The following ZNF282 variants were observed in gnomAD, a reference collection of about 807,000 sequenced individuals.
ZNF282 encodes HTLV-I U5 repressive element-binding protein 1.
A neutral mutation model predicts 61.9 loss-of-function variants in ZNF282; 30 were observed. The observed-to-expected ratio is 0.48, with a 90% CI of 0.36 to 0.66. ZNF282 has a LOEUF of 0.66. Ranked by LOEUF, ZNF282 falls within the 30% of genes least tolerant of loss-of-function variation. ZNF282 has a pLI of 0.00. For missense variants in ZNF282, 788 were observed against 941.4 expected (o/e 0.84, Z 2.13); for synonymous variants, 396 against 405.0 (o/e 0.98, Z 0.27).
rs1796318085 is a variant in ZNF282, at chr7:149,224,171, C to T, written c.1540C>T (p.Arg514Cys). 1.3e-6 allele frequency: 2 copies of T among 1,592,192 alleles called. No individual in the cohort carries two copies. Among genetic ancestry groups the T allele is most frequent in the Admixed American group, 1.7e-5 (1 of 59,428 alleles). ...GCGGAGCCTCCTCCTGCACGGCGCC[C>T]GCAGCAAGCCCTACTCGTGCCCCGA... ...LRRSLLLHGA[R>C]SKPYSCPECG... The change falls in exon 8 of 8, where the codon CGC becomes TGC. Residue 514 changes from arginine (R) to cysteine (C), a missense_variant. Arg to Cys is a radical substitution (Grantham distance 180). Around this residue, in one of 3 missense-constraint regions of ZNF282, gnomAD observed 559 missense variants for 642.0 expected, o/e 0.87. Coordinates refer to ENST00000610704, the MANE Select transcript of ZNF282 (RefSeq NM_003575.4).
chr7:149,223,783 C>A, intron 7 of ZNF282, 29 bp from the exon 8 acceptor site: 3 of 1,474,440 alleles, frequency 2.0e-6, no homozygotes, highest in Non-Finnish European at 2.7e-6. Context: ...GAACCCCTGT[C>A]AGCATGTCAC....
At chr7:149,200,237 T>G (rs566915448) in intron 2 of ZNF282, among the ~76,000 whole-genome samples, 1 of 152,308 alleles carries the variant, frequency 6.6e-6, no homozygotes, top group African/African-American at 2.4e-5. Context: ...TCCAGTTGAT[T>G]GGTAACTGGA....
At position 149,224,514 on chromosome 7, in the gene ZNF282, G is replaced by A; in HGVS notation, c.1883G>A (p.Arg628His). Residue 628 changes from arginine (R) to histidine (H), a missense_variant, in exon 8 of 8, where the codon CGC becomes CAC. Arg to His is a conservative substitution (Grantham distance 29). Around this residue, in one of 3 missense-constraint regions of ZNF282, gnomAD observed 559 missense variants for 642.0 expected, o/e 0.87. Transcript: ENST00000610704. The part of the protein sequence containing the change: ...LKHQRIHTGE[R>H]PYTCGECGKS... Reference sequence around the variant, plus strand: ...CACCAGCGCATCCACACGGGCGAGCGCCCCTACACGTGCGGCGAGTGCGGC... The same window carrying A: ...CACCAGCGCATCCACACGGGCGAGCACCCCTACACGTGCGGCGAGTGCGGC... The A allele has an allele frequency of 6.2e-7, 1 of 1,611,988 alleles. No individual in the cohort carries two copies. The highest frequency in any genetic ancestry group is 1.1e-5 in the South Asian group (1 of 91,034).
chr7:149,223,966 A>C lies in ZNF282; in HGVS notation c.1335A>C (p.Arg445=), dbSNP rs1479570951. Residue 445 remains arginine (R), a synonymous_variant, in exon 8 of 8, where the codon CGA becomes CGC. Coordinates refer to ENST00000610704, the MANE Select transcript of ZNF282 (RefSeq NM_003575.4). ...AGAACCCGGGCGGCCCCCCGAGCCG[A>C]GGGCTGCTGGACGACGGTTTCCAGG... ...VAENPGGPPS[R]GLLDDGFQVL... is the part of the protein sequence containing the mutation. 7.7e-7 allele frequency: 1 copy of C among 1,291,960 alleles called. No individual in the cohort carries two copies. The highest frequency in any genetic ancestry group is 9.8e-7 in the Non-Finnish European group (1 of 1,021,676). The allele number at this position is 1,291,960 out of a possible 1,614,324, so 80.0% of individuals were successfully genotyped here.
At chr7:149,199,136 C>T (rs1005744652) in intron 2 of ZNF282, among the ~76,000 whole-genome samples, 64 of 152,294 alleles carry the variant, frequency 4.2e-4, no homozygotes, top group African/African-American at 1.5e-3. Flanking sequence ...TGGAGTCGCA[C>T]CTCAAACCAG....
intron 6 of ZNF282, 100 bp downstream of exon 6, chr7:149,212,571 T>G (rs1796104863): frequency 1.0e-6 from 1 of 981,398 alleles, no homozygotes; most frequent in African/African-American, 1.7e-5. Flanking sequence ...GATACTAAAA[T>G]TACTTCAGCA....
intron 2 of ZNF282, among the ~76,000 whole-genome samples, chr7:149,199,711 A>G (rs1282025220): frequency 3.9e-5 from 6 of 152,192 alleles, no homozygotes; most frequent in Non-Finnish European, 7.3e-5. Flanking sequence ...TAGACAGAAT[A>G]GTATAATGGG....
chr7:149,197,490 C>T (rs187237799), intron 1 of ZNF282, among the ~76,000 whole-genome samples: 77 of 152,194 alleles, frequency 5.1e-4, no homozygotes, highest in African/African-American at 1.7e-3. Flanking sequence ...TTGTTTGTTC[C>T]GAGACGGAGT....
intron 2 of ZNF282, among the ~76,000 whole-genome samples, chr7:149,204,380 G>GA (rs922594631): frequency 1.3e-5 from 2 of 152,228 alleles, no homozygotes; most frequent in East Asian, 1.9e-4. Context: ...TGGTGAAGAG[G>GA]AAAAAACAGA....
At chr7:149,220,923 T>TTTTTG (rs56311125) in intron 7 of ZNF282, among the ~76,000 whole-genome samples, 10,629 of 66,808 alleles carry the variant, frequency 0.16, 466 homozygotes, top group East Asian at 0.36. Flanking sequence ...GAGGGTTTTT[T>TTTTTG]TTTTTTTTTT....
chr7:149,213,105 G>A (rs899427687), intron 6 of ZNF282, among the ~76,000 whole-genome samples: 1 of 152,206 alleles, frequency 6.6e-6, no homozygotes, highest in Non-Finnish European at 1.5e-5. Flanking sequence ...CCATGTGATT[G>A]CAGAGCTGAG....
rs762615391 is a variant in ZNF282 at position 149,217,678 on chromosome 7, G to T, written c.1180+3864G>T. On this transcript the variant is annotated intron_variant, in intron 7 of 7. Transcript: ENST00000610704. ...GATGCAGCAATGCTCTGAGAACAAT[G>T]GCAGGGAGAACAGGAAGGAGTGTGG... is the stretch of plus-strand genomic sequence containing the variant. 1.3e-3 allele frequency among the ~76,000 whole-genome samples: 199 copies of T among 152,310 alleles called. 4 individuals carry two copies. Among genetic ancestry groups the T allele is most frequent in the Admixed American group, 2.8e-3 (43 of 15,284 alleles).
intron 1 of ZNF282, 78 bp downstream of exon 1, chr7:149,195,832 C>T (rs1262138838): frequency 2.5e-6 from 3 of 1,221,942 alleles, no homozygotes; most frequent in East Asian, 7.1e-5. Flanking sequence ...CCGGGCCGCG[C>T]CGTCCTCCGG....
chr7:149,219,952 T>C (rs1035969210), intron 7 of ZNF282, among the ~76,000 whole-genome samples: 9 of 152,162 alleles, frequency 5.9e-5, no homozygotes, highest in African/African-American at 2.2e-4. Flanking sequence ...GCAGTGACTC[T>C]TGATGAGTCT....
At chr7:149,210,921 C>T (rs1796074780) in intron 5 of ZNF282, among the ~76,000 whole-genome samples, 1 of 152,254 alleles carries the variant, frequency 6.6e-6, no homozygotes, top group Non-Finnish European at 1.5e-5. Context: ...TACACCTGGG[C>T]TCAGCGTGTT....
intron 2 of ZNF282, among the ~76,000 whole-genome samples, chr7:149,204,717 G>C (rs1306803709): frequency 6.6e-6 from 1 of 152,190 alleles, no homozygotes; most frequent in African/African-American, 2.4e-5. Context: ...GGAGAACATA[G>C]CAAGGTGTCA....
At chr7:149,195,817 CGGGACCGG>C in intron 1 of ZNF282, 63 bp downstream of exon 1, 1 of 1,290,804 alleles carries the variant, frequency 7.7e-7, no homozygotes, top group South Asian at 2.5e-5. Flanking sequence ...GGCTGGGCCG[CGGGACCGG>C]GCCGCGCCGT....
chr7:149,223,217 G>T (rs996801123), intron 7 of ZNF282, among the ~76,000 whole-genome samples: 1 of 147,310 alleles, frequency 6.8e-6, no homozygotes, highest in Non-Finnish European at 1.5e-5. Context: ...AAGGTGATCC[G>T]CCCACCTCGG....
chr7:149,224,457 A>G lies in ZNF282; in HGVS notation c.1826A>G (p.Lys609Arg), dbSNP rs1796326227. The G allele has an allele frequency of 1.2e-6, 2 of 1,613,784 alleles. No homozygotes were observed. The highest frequency in any genetic ancestry group is 1.7e-6 in the Non-Finnish European group (2 of 1,179,956). ...ERPFQCALCG[K>R]SFIRKQNLLK... ...CCTTTCCAATGTGCACTGTGCGGCAAGAGCTTCATCCGCAAGCAGAACCTG... is the reference window on the plus strand; with the variant it reads ...CCTTTCCAATGTGCACTGTGCGGCAGGAGCTTCATCCGCAAGCAGAACCTG... The change falls in exon 8 of 8, where the codon AAG becomes AGG. Residue 609 changes from lysine (K) to arginine (R), a missense_variant. Lys to Arg is a conservative substitution (Grantham distance 26). Coordinates refer to ENST00000610704, the MANE Select transcript of ZNF282 (RefSeq NM_003575.4).
Sources: allele counts gnomAD v4.1 joint callset (sites outside exome capture counted in the v4.1 genomes callset), GRCh38; gene constraint gnomAD v4.1.1; regional missense constraint gnomAD v4.1.1; transcripts MANE v1.5; gene names NCBI Gene and HGNC (gene_info 2026-07-23, HGNC 2026-07-21).